Variants in MALRD1 observed in about 807,000 individuals in gnomAD.
MALRD1 encodes the protein MAM and LDL receptor class A domain containing 1.
MALRD1 carries 247 observed loss-of-function variants against 242.1 expected under a neutral mutation model. That is an observed-to-expected ratio of 1.02 (90% CI 0.92 to 1.13). The LOEUF (loss-of-function observed/expected upper bound fraction) is 1.13, where lower values mean the gene tolerates loss of function less well. Among genes scored for constraint, MALRD1 ranks in the 50% most tolerant of loss-of-function variants. The pLI, the probability that MALRD1 is intolerant of heterozygous loss-of-function variation, is 0.00. For missense variants in MALRD1, 2,989 were observed against 2,533.1 expected, an observed-to-expected ratio of 1.18 and a Z score of -3.86; for synonymous variants, 995 against 866.6, an observed-to-expected ratio of 1.15 and a Z score of -2.60.
chr10:19,211,674 T>G (rs1178968566), intron 18 of MALRD1, among the ~76,000 whole-genome samples: 1 of 76,006 alleles, frequency 1.3e-5, no homozygotes, highest in Non-Finnish European at 2.3e-5. Flanking sequence ...CAACAAAGCA[T>G]GACTCCTCAC....
intron 14 of MALRD1, among the ~76,000 whole-genome samples, chr10:19,176,476 G>A (rs370005391): frequency 0.16 from 22,120 of 142,508 alleles, 2,199 homozygotes; most frequent in Admixed American, 0.25. Flanking sequence ...CCGGGTTCAA[G>A]CCATTCTCCT....
intron 1 of MALRD1, among the ~76,000 whole-genome samples, chr10:19,057,136 C>T (rs529532141): frequency 6.6e-6 from 1 of 152,248 alleles, no homozygotes; most frequent in African/African-American, 2.4e-5. Context: ...CAGCTTTTAT[C>T]CTTTAAGTGC....
intron 38 of MALRD1, among the ~76,000 whole-genome samples, chr10:19,718,839 C>G (rs1020100455): frequency 5.3e-5 from 8 of 151,918 alleles, no homozygotes; most frequent in Admixed American, 6.6e-5. Context: ...AAGACTGACT[C>G]CAGTAATTTT....
intron 12 of MALRD1, 113 bp downstream of exon 12, chr10:19,155,285 T>A: frequency 2.1e-6 from 1 of 472,688 alleles, no homozygotes; most frequent in East Asian, 3.6e-5. Flanking sequence ...AATGATGAAT[T>A]AAGAGATTTA....
chr10:19,395,868 A>G (rs1462230887), intron 28 of MALRD1, among the ~76,000 whole-genome samples: 1 of 152,114 alleles, frequency 6.6e-6, no homozygotes, highest in East Asian at 1.9e-4. Flanking sequence ...ACTATTTCCA[A>G]GTAGGAGTCC....
Position 19,238,516 on chromosome 10 carries a change from T to C in MALRD1, c.2992-19168T>C, listed in dbSNP as rs774789713. Among the ~76,000 whole-genome samples the C allele has an allele frequency of 1.1e-3, 89 of 80,826 alleles. 5 individuals carry two copies. The highest frequency in any genetic ancestry group is 5.4e-3 in the East Asian group (12 of 2,232). 53.0% of individuals were successfully genotyped at this position (80,826 alleles called of 152,430 possible). Reference sequence around the variant, plus strand: ...AATATATAATATAATATATAATGTATATTATATATAATATACATTATATAT... The same window carrying C: ...AATATATAATATAATATATAATGTACATTATATATAATATACATTATATAT... On this transcript the variant is annotated intron_variant, in intron 18 of 39. Coordinates refer to ENST00000454679, the MANE Select transcript of MALRD1 (RefSeq NM_001142308.3).
intron 32 of MALRD1, among the ~76,000 whole-genome samples, chr10:19,564,926 A>T (rs948718885): frequency 1.3e-5 from 2 of 152,180 alleles, no homozygotes; most frequent in Admixed American, 1.3e-4. Flanking sequence ...ATAATGAATA[A>T]GCAATGTTAT....
At chr10:19,719,500 G>A (rs1834641342) in intron 38 of MALRD1, among the ~76,000 whole-genome samples, 1 of 151,894 alleles carries the variant, frequency 6.6e-6, no homozygotes, top group Non-Finnish European at 1.5e-5. Flanking sequence ...TGCTTAAACA[G>A]TGACGGCTTT....
At chr10:19,395,155 G>C (rs1046016450) in intron 28 of MALRD1, among the ~76,000 whole-genome samples, 5 of 152,140 alleles carry the variant, frequency 3.3e-5, no homozygotes, top group African/African-American at 1.2e-4. Context: ...TTGAAGAAAA[G>C]TTGATCCTTT....
chr10:19,410,056 T>A (rs1833209982), intron 28 of MALRD1, among the ~76,000 whole-genome samples: 1 of 152,166 alleles, frequency 6.6e-6, no homozygotes, highest in South Asian at 2.1e-4. Flanking sequence ...CATTGACATT[T>A]CAGGTTTTAG....
chr10:19,245,619 C>T (rs1197429052), intron 18 of MALRD1, among the ~76,000 whole-genome samples: 1 of 152,124 alleles, frequency 6.6e-6, no homozygotes, highest in Non-Finnish European at 1.5e-5. Flanking sequence ...TGGGAATCCA[C>T]TTGTCCTTTT....
chr10:19,716,093 G>A (rs751205972), intron 38 of MALRD1, among the ~76,000 whole-genome samples: 8 of 152,198 alleles, frequency 5.3e-5, no homozygotes, highest in Non-Finnish European at 7.3e-5. Flanking sequence ...CAAACCTTTA[G>A]TGAGGGCTAG....
At chr10:19,076,402 C>A (rs1835319283) in intron 2 of MALRD1, among the ~76,000 whole-genome samples, 1 of 151,928 alleles carries the variant, frequency 6.6e-6, no homozygotes, top group African/African-American at 2.4e-5. Context: ...AATCCAAGGT[C>A]ATAGACTTAC....
intron 1 of MALRD1, among the ~76,000 whole-genome samples, chr10:19,063,566 T>C (rs1312295691): frequency 6.6e-6 from 1 of 152,208 alleles, no homozygotes; most frequent in Non-Finnish European, 1.5e-5. Flanking sequence ...GATAGTTTAC[T>C]GAGAATGATG....
At position 19,049,069 on chromosome 10, in the gene MALRD1, T is replaced by A. The variant is rs1834410272; in HGVS notation, c.131T>A (p.Val44Asp). 8.1e-7 allele frequency: 1 copy of A among 1,233,792 alleles called. No individual in the cohort carries two copies. Among genetic ancestry groups the A allele is most frequent in the Non-Finnish European group, 1.0e-6 (1 of 988,106 alleles). The allele number at this position is 1,233,792 out of a possible 1,614,324, so 76.4% of individuals were successfully genotyped here. A position where few individuals can be genotyped will look rare whatever the true frequency, so the allele number is the denominator to read the frequency against. ...GTESFQCDNG[V>D]SLPPDSICDF... is the part of the protein sequence containing the mutation. ...GAAAGCTTTCAGTGTGACAATGGAG[T>A]CTCCTTGCCTCCTGACAGCATTTGT... The change falls in exon 1 of 40, where the codon GTC (valine) becomes GAC (aspartate). Residue 44 changes from valine to aspartate, a missense_variant. Val to Asp is a radical substitution (Grantham distance 152). Transcript: ENST00000454679.
intron 11 of MALRD1, among the ~76,000 whole-genome samples, chr10:19,147,129 A>C (rs977812438): frequency 3.3e-5 from 5 of 152,178 alleles, no homozygotes; most frequent in African/African-American, 1.2e-4. Flanking sequence ...AAGTGCTGGG[A>C]TTACAAGAGG....
At chr10:19,452,445 T>C (rs1835383640) in intron 29 of MALRD1, among the ~76,000 whole-genome samples, 1 of 152,206 alleles carries the variant, frequency 6.6e-6, no homozygotes, top group South Asian at 2.1e-4. Flanking sequence ...TTCTTTCTTT[T>C]TCATTAAGTA....
intron 33 of MALRD1, among the ~76,000 whole-genome samples, chr10:19,579,379 C>T (rs1213733580): frequency 1.3e-5 from 2 of 152,184 alleles, no homozygotes; most frequent in Non-Finnish European, 2.9e-5. Flanking sequence ...ACACTTCCTT[C>T]ACTGATAGAT....
intron 18 of MALRD1, among the ~76,000 whole-genome samples, chr10:19,213,098 C>T (rs191576620): frequency 2.6e-5 from 4 of 151,888 alleles, no homozygotes; most frequent in East Asian, 1.9e-4. Flanking sequence ...TTGATGAGTT[C>T]TTCTTATCAA....
Sources: gnomAD v4.1 joint callset for allele counts (sites outside exome capture counted in the v4.1 genomes callset) on GRCh38, gnomAD v4.1.1 for gene constraint, MANE v1.5 for transcripts, NCBI Gene and HGNC (gene_info 2026-07-23, HGNC 2026-07-21) for gene names.